Variants in CRACD observed in about 807,000 individuals in gnomAD.
CRACD encodes the protein capping protein inhibiting regulator of actin dynamics.
Under a neutral mutation model 106.8 loss-of-function variants are expected in CRACD, and 56 were observed. That is an observed-to-expected ratio of 0.52 (90% CI 0.42 to 0.66). The LOEUF (loss-of-function observed/expected upper bound fraction) is 0.66, where lower values mean the gene tolerates loss of function less well. Ranked by LOEUF, CRACD falls within the 30% of genes least tolerant of loss-of-function variation. CRACD has a pLI of 0.00. For synonymous variants in CRACD, 754 were observed against 670.8 expected, an observed-to-expected ratio of 1.12 and a Z score of -1.92; for missense variants, 1,730 against 1,623.2, an observed-to-expected ratio of 1.07 and a Z score of -1.13.
intron 3 of CRACD, among the ~76,000 whole-genome samples, chr4:56,272,951 G>T (rs1288881771): frequency 6.6e-6 from 1 of 150,710 alleles, no homozygotes; most frequent in Non-Finnish European, 1.5e-5. Context: ...GAACGTGTAA[G>T]ACTTGGTGTA....
At chr4:56,249,077 T>C (rs1740887028) in intron 2 of CRACD, among the ~76,000 whole-genome samples, 1 of 126,974 alleles carries the variant, frequency 7.9e-6, no homozygotes, top group Non-Finnish European at 1.6e-5. Flanking sequence ...TATAGTCCTT[T>C]GGGTATATAC....
chr4:56,304,898 C>A (rs1447496866), intron 4 of CRACD, among the ~76,000 whole-genome samples: 2 of 151,958 alleles, frequency 1.3e-5, no homozygotes. Context: ...AGTGTTAGGC[C>A]AGGTCCTCCT....
chr4:56,218,512 CCTCCCCTCCCTCA>C (rs1738849666), intron 2 of CRACD, among the ~76,000 whole-genome samples: 1 of 130,534 alleles, frequency 7.7e-6, no homozygotes, highest in Admixed American at 7.8e-5. Context: ...CTTCCCCTCC[CCTCCCCTCCCTCA>C]TTTCCTTCCC....
At chr4:56,146,452 G>A (rs2109884112) in intron 1 of CRACD, among the ~76,000 whole-genome samples, 1 of 150,020 alleles carries the variant, frequency 6.7e-6, no homozygotes, top group East Asian at 2.0e-4. Context: ...AAGTTTTAGG[G>A]TACATGTGCA....
intron 1 of CRACD, among the ~76,000 whole-genome samples, chr4:56,135,290 AT>A (rs1013624110): frequency 9.2e-5 from 14 of 152,148 alleles, no homozygotes; most frequent in Admixed American, 7.9e-4. Context: ...TCTCAAAAAA[AT>A]AAACCAAAAA....
At chr4:56,118,955 A>T (rs187406066) in intron 1 of CRACD, among the ~76,000 whole-genome samples, 27 of 152,326 alleles carry the variant, frequency 1.8e-4, no homozygotes, top group African/African-American at 6.0e-4. Context: ...AATACTCCTT[A>T]TATGGGCCAT....
At chr4:56,141,736 C>T (rs1389232305) in intron 1 of CRACD, among the ~76,000 whole-genome samples, 1 of 137,884 alleles carries the variant, frequency 7.3e-6, no homozygotes. Context: ...CTCTATCACC[C>T]ACGCTGGGGT....
intron 1 of CRACD, among the ~76,000 whole-genome samples, chr4:56,178,910 A>G (rs1018536385): frequency 1.8e-4 from 27 of 152,326 alleles, no homozygotes; most frequent in African/African-American, 6.0e-4. Context: ...AAATAACCTA[A>G]TGATTACTGC....
intron 1 of CRACD, among the ~76,000 whole-genome samples, chr4:56,151,300 G>T (rs1735571655): frequency 6.6e-6 from 1 of 151,926 alleles, no homozygotes; most frequent in African/African-American, 2.4e-5. Context: ...TCACCTGGCG[G>T]GTATGAGGGT....
intron 1 of CRACD, among the ~76,000 whole-genome samples, chr4:56,132,663 C>G (rs1734864205): frequency 6.6e-6 from 1 of 152,120 alleles, no homozygotes; most frequent in African/African-American, 2.4e-5. Flanking sequence ...CCTCATATTT[C>G]ACTTCATCTT....
Position 56,061,242 on chromosome 4 carries a change from C to T in CRACD, c.-336+11943C>T, listed in dbSNP as rs533018841. ...CTGGAGTGCAGTGGCGCAATCATGG[C>T]GCACGGCAGCCTCGACCTCCGGGGC... On this transcript the variant is annotated intron_variant, in intron 1 of 10. Transcript: ENST00000682029. Among the ~76,000 whole-genome samples the T allele has an allele frequency of 1.7e-4, 26 of 152,286 alleles. No homozygotes were observed. In the East Asian group the frequency reaches 2.9e-3, roughly 17 times the overall value.
At chr4:56,239,530 G>A (rs1189744129) in intron 2 of CRACD, among the ~76,000 whole-genome samples, 2 of 151,902 alleles carry the variant, frequency 1.3e-5, no homozygotes, top group Non-Finnish European at 2.9e-5. Context: ...ATCCAAGAAT[G>A]ATACAGAGAG....
At position 56,077,518 on chromosome 4, in the gene CRACD, G is replaced by A. The variant is rs1732885448; in HGVS notation, c.-336+28219G>A. 2.0e-5 allele frequency among the ~76,000 whole-genome samples: 3 copies of A among 152,206 alleles called. No individual in the cohort carries two copies. In the South Asian group the frequency reaches 6.2e-4, roughly 31 times the overall value. On this transcript the variant is annotated intron_variant, in intron 1 of 10. Coordinates refer to ENST00000682029, the MANE Select transcript of CRACD (RefSeq NM_001393381.1). The stretch of plus-strand genomic sequence containing the variant: ...GCTGCCTACCAAAAGCCTCATGTAA[G>A]TCCAAGTCTTCTGTAGTTTCCTAGT...
At chr4:56,286,318 C>T (rs1743337897) in intron 3 of CRACD, among the ~76,000 whole-genome samples, 1 of 151,140 alleles carries the variant, frequency 6.6e-6, no homozygotes. Context: ...TCTGGAACCC[C>T]AGAGGTGGGA....
chr4:56,181,728 G>A (rs886893388), intron 2 of CRACD, among the ~76,000 whole-genome samples: 13 of 152,152 alleles, frequency 8.5e-5, no homozygotes, highest in Non-Finnish European at 1.6e-4. Context: ...GGCTGCAGCT[G>A]CATCCCTCCA....
Position 56,315,229 on chromosome 4 carries a change from C to G in CRACD, c.1727C>G (p.Pro576Arg). Residue 576 changes from proline to arginine, a missense_variant, in exon 8 of 11, where the codon CCC (proline) becomes CGC (arginine). By Grantham distance (103) the Pro-to-Arg change is moderately radical. Coordinates refer to ENST00000682029, the MANE Select transcript of CRACD (RefSeq NM_001393381.1). This position sits in a 1 kb window ranked among gnomAD's most constrained non-coding sequence, Gnocchi z 4.1. ...GCTGCTCCCCAGGAACCAAAGGCCC[C>G]CAAAGCCAGCCCAGTCCAGCACGCC... ...LTAAPQEPKA[P>R]KASPVQHALP... 6.3e-7 allele frequency: 1 copy of G among 1,596,622 alleles called. No homozygotes were observed. Among genetic ancestry groups the G allele is most frequent in the Non-Finnish European group, 8.5e-7 (1 of 1,171,486 alleles).
intron 1 of CRACD, among the ~76,000 whole-genome samples, chr4:56,103,795 T>C (rs1369755861): frequency 6.6e-6 from 1 of 152,268 alleles, no homozygotes; most frequent in Non-Finnish European, 1.5e-5. Flanking sequence ...TATTTATTTT[T>C]TTGAGACAGA....
At chr4:56,206,911 C>T (rs1302225457) in intron 2 of CRACD, among the ~76,000 whole-genome samples, 3 of 152,170 alleles carry the variant, frequency 2.0e-5, no homozygotes, top group Non-Finnish European at 4.4e-5. Context: ...GTTGAAGAGA[C>T]ACCATTTAAC....
At chr4:56,145,714 C>T (rs1309938116) in intron 1 of CRACD, among the ~76,000 whole-genome samples, 1 of 152,022 alleles carries the variant, frequency 6.6e-6, no homozygotes, top group East Asian at 1.9e-4. Context: ...CAGGTTCAGG[C>T]GATCCTCCTG....
Sources: allele counts gnomAD v4.1 joint callset (sites outside exome capture counted in the v4.1 genomes callset), GRCh38; gene constraint gnomAD v4.1.1; non-coding constraint Gnocchi (gnomAD v3.1); transcripts MANE v1.5; gene names NCBI Gene and HGNC (gene_info 2026-07-23, HGNC 2026-07-21).